Variants in NRP1 observed in about 807,000 individuals in gnomAD.
NRP1 encodes neuropilin-1.
A neutral mutation model predicts 106.7 loss-of-function variants in NRP1; 35 were observed. The observed-to-expected ratio is 0.33, with a 90% CI of 0.25 to 0.43. The LOEUF (loss-of-function observed/expected upper bound fraction) is 0.43. Among genes scored for constraint, NRP1 ranks in the 20% least tolerant of loss-of-function variants. The pLI is 1.00. For synonymous variants in NRP1, 437 were observed against 417.9 expected, an observed-to-expected ratio of 1.05 and a Z score of -0.56; for missense variants, 1,024 against 1,170.4, an observed-to-expected ratio of 0.87 and a Z score of 1.83.
At chr10:33,320,315 A>G (rs528946805) in intron 2 of NRP1, among the ~76,000 whole-genome samples, 80 of 150,538 alleles carry the variant, frequency 5.3e-4, no homozygotes, top group Non-Finnish European at 9.8e-4. Flanking sequence ...CCGTCTTTAA[A>G]AAAAAAAAAA....
At chr10:33,218,481 G>C (rs1347474334) in intron 8 of NRP1, among the ~76,000 whole-genome samples, 1 of 151,796 alleles carries the variant, frequency 6.6e-6, no homozygotes, top group Non-Finnish European at 1.5e-5. Flanking sequence ...GAGTAGCTGG[G>C]ACTACAAGTG....
intron 6 of NRP1, among the ~76,000 whole-genome samples, chr10:33,244,376 A>C (rs1841261217): frequency 6.6e-6 from 1 of 152,236 alleles, no homozygotes. Flanking sequence ...GCTGGGACAG[A>C]AATCAACAAA....
chr10:33,192,197 G>A, intron 13 of NRP1, 84 bp downstream of exon 13: 1 of 1,453,402 alleles, frequency 6.9e-7, no homozygotes, highest in Non-Finnish European at 9.3e-7. Context: ...TAAATTCACA[G>A]ACATTAGAAA....
intron 11 of NRP1, chr10:33,202,484 C>A: frequency 1.1e-6 from 1 of 876,946 alleles, no homozygotes; most frequent in Non-Finnish European, 1.6e-6. Context: ...ATAAAGGATC[C>A]ACTCAAAAAA....
chr10:33,197,307 A>G (rs912596996), intron 12 of NRP1, among the ~76,000 whole-genome samples: 2 of 152,224 alleles, frequency 1.3e-5, no homozygotes, highest in African/African-American at 4.8e-5. Flanking sequence ...ATGAAAATAA[A>G]TAGTCGGGCT....
chr10:33,230,903 A>C (rs2132985480), intron 6 of NRP1, among the ~76,000 whole-genome samples: 1 of 152,306 alleles, frequency 6.6e-6, no homozygotes, highest in South Asian at 2.1e-4. Context: ...AGAGTAGATG[A>C]AAAGTTTTCT....
At chr10:33,207,863 C>A in intron 9 of NRP1, 147 bp from the exon 10 acceptor site, 6 of 685,202 alleles carry the variant, frequency 8.8e-6, no homozygotes, top group Admixed American at 2.9e-5. Flanking sequence ...CTTTCATAAA[C>A]GAGAAAGGAA....
chr10:33,256,037 C>T (rs1480444953), intron 5 of NRP1, among the ~76,000 whole-genome samples: 1 of 152,158 alleles, frequency 6.6e-6, no homozygotes, highest in Non-Finnish European at 1.5e-5. Flanking sequence ...ATGCTCTAGT[C>T]ACATTTCATT....
rs11596764 is a variant in NRP1 at position 33,235,869 on chromosome 10, C to T, written c.982-9580G>A. Among the ~76,000 whole-genome samples, 328 of 152,310 alleles carry T rather than the reference C, an allele frequency of 2.2e-3. 2 individuals carry two copies. The highest frequency in any genetic ancestry group is 4.1e-3 in the Non-Finnish European group (281 of 68,030). On this transcript the variant is annotated intron_variant, in intron 6 of 16. Coordinates refer to ENST00000374867, the MANE Select transcript of NRP1 (RefSeq NM_003873.7). ...GATTGTTTTACATTTTTAAGACATACGCCGACCTGTGAAATCTTTTCTCCT... is the reference window on the plus strand; with the variant it reads ...GATTGTTTTACATTTTTAAGACATATGCCGACCTGTGAAATCTTTTCTCCT...
At chr10:33,255,904 G>A (rs1014850286) in intron 5 of NRP1, among the ~76,000 whole-genome samples, 5 of 152,112 alleles carry the variant, frequency 3.3e-5, no homozygotes, top group African/African-American at 1.2e-4. Flanking sequence ...AAACCACTGT[G>A]CATTTCCCAT....
chr10:33,179,378 G>A lies in NRP1; in HGVS notation c.*698C>T, dbSNP rs1225834556. ...GCCAAGGATTTGTGTTTTTGTTGTT[G>A]CGGTTGTCAGCAGTATACCCAGTGG... On this transcript the variant is annotated 3_prime_UTR_variant, in exon 17 of 17. Coordinates refer to ENST00000374867, the MANE Select transcript of NRP1 (RefSeq NM_003873.7). The A allele has an allele frequency of 6.6e-6, 1 of 152,670 alleles. No individual in the cohort carries two copies. Among genetic ancestry groups the A allele is most frequent in the African/African-American group, 2.4e-5 (1 of 41,438 alleles). The allele number at this position is 152,670 out of a possible 1,614,324, so 9.5% of individuals were successfully genotyped here. A position where few individuals can be genotyped will look rare whatever the true frequency, so the allele number is the denominator to read the frequency against.
At chr10:33,267,620 A>G (rs1402146210) in intron 3 of NRP1, among the ~76,000 whole-genome samples, 1 of 149,420 alleles carries the variant, frequency 6.7e-6, no homozygotes, top group Non-Finnish European at 1.5e-5. Flanking sequence ...ACTGAGACCC[A>G]TAGGAAACAG....
At chr10:33,234,794 A>G (rs1055560321) in intron 6 of NRP1, among the ~76,000 whole-genome samples, 7 of 152,230 alleles carry the variant, frequency 4.6e-5, no homozygotes, top group Admixed American at 4.6e-4. Flanking sequence ...GGAAACAAAT[A>G]AAACCTTTGC....
At chr10:33,269,699 A>G (rs760530547) in intron 3 of NRP1, among the ~76,000 whole-genome samples, 3 of 152,146 alleles carry the variant, frequency 2.0e-5, no homozygotes, top group Non-Finnish European at 4.4e-5. Context: ...GCCACTCCCC[A>G]TCACTGGCAC....
chr10:33,194,034 T>TGTAGTGTCAG (rs535753545), intron 12 of NRP1, among the ~76,000 whole-genome samples: 217 of 152,350 alleles, frequency 1.4e-3, no homozygotes, highest in African/African-American at 5.0e-3. Context: ...ATTTCACAGC[T>TGTAGTGTCAG]GTAGTGTCAT....
chr10:33,212,306 A>G (rs1443489413), intron 9 of NRP1: 3 of 152,280 alleles, frequency 2.0e-5, no homozygotes, highest in Non-Finnish European at 4.4e-5. Flanking sequence ...ATGGATAAAC[A>G]AAGTGTGGTA....
At chr10:33,309,901 A>C (rs1223541118) in intron 2 of NRP1, among the ~76,000 whole-genome samples, 1 of 151,348 alleles carries the variant, frequency 6.6e-6, no homozygotes, top group Non-Finnish European at 1.5e-5. Flanking sequence ...CAATGTTTAA[A>C]AGCCTCTCAA....
Position 33,186,022 on chromosome 10 carries a change from T to C in NRP1, c.2334+195A>G, listed in dbSNP as rs185045767. On this transcript the variant is annotated intron_variant, in intron 14 of 16. Coordinates refer to ENST00000374867, the MANE Select transcript of NRP1 (RefSeq NM_003873.7). Reference sequence around the variant, plus strand: ...GCCCTTTGTGTTCCTTCTCAGCAAATTGGTTCTATTCCTGCAATCTAGGAG... The same window carrying C: ...GCCCTTTGTGTTCCTTCTCAGCAAACTGGTTCTATTCCTGCAATCTAGGAG... Among the ~76,000 whole-genome samples the C allele has an allele frequency of 1.4e-3, 220 of 152,330 alleles. 3 individuals carry two copies. The highest frequency in any genetic ancestry group is 5.4e-4 in the Non-Finnish European group (37 of 68,026).
At chr10:33,234,733 G>A (rs1158659690) in intron 6 of NRP1, among the ~76,000 whole-genome samples, 1 of 152,186 alleles carries the variant, frequency 6.6e-6, no homozygotes, top group African/African-American at 2.4e-5. Context: ...TTAATTGCCT[G>A]AATTAATGCC....
Sources: allele counts gnomAD v4.1 joint callset (sites outside exome capture counted in the v4.1 genomes callset), GRCh38; gene constraint gnomAD v4.1.1; transcripts MANE v1.5; gene names NCBI Gene and HGNC (gene_info 2026-07-23, HGNC 2026-07-21).